Variants in NXPH1 observed in about 807,000 individuals in gnomAD.
NXPH1 encodes neurexophilin-1.
In NXPH1, 5 loss-of-function variants were observed where a neutral mutation model predicts 23.7. The observed-to-expected ratio is 0.21, with a 90% CI of 0.11 to 0.44. The LOEUF (loss-of-function observed/expected upper bound fraction) is 0.44, where lower values mean the gene tolerates loss of function less well. Among genes scored for constraint, NXPH1 ranks in the 20% least tolerant of loss-of-function variants. The pLI, the probability that NXPH1 is intolerant of heterozygous loss-of-function variation, is 0.99. For synonymous variants in NXPH1, 144 were observed against 122.2 expected (o/e 1.18, Z -1.18); for missense variants, 324 against 321.6 (o/e 1.01, Z -0.06).
intron 2 of NXPH1, among the ~76,000 whole-genome samples, chr7:8,440,021 C>A (rs1816268621): frequency 6.6e-6 from 1 of 152,192 alleles, no homozygotes; most frequent in Non-Finnish European, 1.5e-5. Flanking sequence ...AAGGCTAGTT[C>A]TTGGAGGCAG....
At chr7:8,670,484 G>A (rs1420715533) in intron 2 of NXPH1, among the ~76,000 whole-genome samples, 1 of 152,274 alleles carries the variant, frequency 6.6e-6, no homozygotes, top group Middle Eastern at 3.4e-3. Flanking sequence ...ACTATTGTCT[G>A]AATTATCCAA....
chr7:8,729,646 G>A (rs1169351185), intron 2 of NXPH1, among the ~76,000 whole-genome samples: 12 of 139,086 alleles, frequency 8.6e-5, no homozygotes, highest in East Asian at 4.1e-4. Context: ...GTAGTTGAGC[G>A]GTTTTGAGTG....
chr7:8,464,607 T>C lies in NXPH1; in HGVS notation c.54+28840T>C, dbSNP rs192456849. Among the ~76,000 whole-genome samples the C allele has an allele frequency of 1.1e-3, 174 of 152,354 alleles. 1 individual carries two copies. Among genetic ancestry groups the C allele is most frequent in the African/African-American group, 4.0e-3 (166 of 41,582 alleles). Reference sequence around the variant, plus strand: ...CCTGTAGGAGTCAAGAAGATCTAGATTTGAATTCTGTTTAGTTCTGTTAAG... The same window carrying C: ...CCTGTAGGAGTCAAGAAGATCTAGACTTGAATTCTGTTTAGTTCTGTTAAG... On this transcript the variant is annotated intron_variant, in intron 2 of 2. Coordinates refer to ENST00000405863, the MANE Select transcript of NXPH1 (RefSeq NM_152745.3).
At chr7:8,439,525 G>A (rs1342402884) in intron 2 of NXPH1, among the ~76,000 whole-genome samples, 1 of 152,186 alleles carries the variant, frequency 6.6e-6, no homozygotes, top group Non-Finnish European at 1.5e-5. Flanking sequence ...CCCATCCACA[G>A]CTCTATTCTA....
intron 2 of NXPH1, among the ~76,000 whole-genome samples, chr7:8,545,285 C>A (rs1173017374): frequency 6.6e-6 from 1 of 151,496 alleles, no homozygotes; most frequent in Admixed American, 6.6e-5. Flanking sequence ...TTTTATTCAT[C>A]AATTAATGAC....
chr7:8,484,185 A>G (rs930136801), intron 2 of NXPH1, among the ~76,000 whole-genome samples: 1 of 152,086 alleles, frequency 6.6e-6, no homozygotes, highest in African/African-American at 2.4e-5. Context: ...ACACTGCCCT[A>G]CCTCAAAAAT....
chr7:8,593,486 C>A (rs929417606), intron 2 of NXPH1, among the ~76,000 whole-genome samples: 2 of 151,872 alleles, frequency 1.3e-5, no homozygotes, highest in Non-Finnish European at 1.5e-5. Flanking sequence ...ATTTCTCTTC[C>A]CTTGTGGAAT....
At chr7:8,739,052 C>T (rs1345945790) in intron 2 of NXPH1, among the ~76,000 whole-genome samples, 2 of 151,998 alleles carry the variant, frequency 1.3e-5, no homozygotes, top group Non-Finnish European at 2.9e-5. Context: ...TGGATCTTAG[C>T]TTGCTGGGCT....
At chr7:8,697,231 G>C (rs1415053131) in intron 2 of NXPH1, among the ~76,000 whole-genome samples, 1 of 151,852 alleles carries the variant, frequency 6.6e-6, no homozygotes, top group Non-Finnish European at 1.5e-5. Flanking sequence ...GTAGACTGTG[G>C]TGCCAAGAGT....
At chr7:8,600,861 G>C (rs1819343161) in intron 2 of NXPH1, among the ~76,000 whole-genome samples, 1 of 151,358 alleles carries the variant, frequency 6.6e-6, no homozygotes. Context: ...TGCATCCCTG[G>C]ATTCAACCAA....
intron 2 of NXPH1, among the ~76,000 whole-genome samples, chr7:8,505,149 G>A (rs997416911): frequency 6.6e-5 from 10 of 151,954 alleles, no homozygotes; most frequent in African/African-American, 2.4e-4. Context: ...GAAGGTCAGT[G>A]TTTTCCTCAT....
chr7:8,553,326 A>C (rs1288208442), intron 2 of NXPH1, among the ~76,000 whole-genome samples: 1 of 142,916 alleles, frequency 7.0e-6, no homozygotes, highest in Non-Finnish European at 1.5e-5. Context: ...TTTTCTGAGG[A>C]AGGTGGTGGG....
At chr7:8,611,116 C>A (rs192937497) in intron 2 of NXPH1, among the ~76,000 whole-genome samples, 8 of 152,136 alleles carry the variant, frequency 5.3e-5, no homozygotes, top group Non-Finnish European at 1.0e-4. Flanking sequence ...TTCTAGTTGC[C>A]ACATCATTGT....
chr7:8,507,741 C>A lies in NXPH1; in HGVS notation c.54+71974C>A, dbSNP rs116028853. On this transcript the variant is annotated intron_variant, in intron 2 of 2. Transcript: ENST00000405863. ...TGTAAATTAGTACAGTTTACCAACCCACAAACATTTGTCACCCTCTCCCCT... is the reference window on the plus strand; with the variant it reads ...TGTAAATTAGTACAGTTTACCAACCAACAAACATTTGTCACCCTCTCCCCT... Among the ~76,000 whole-genome samples the A allele has an allele frequency of 8.6e-3, 1,308 of 152,174 alleles. 19 individuals carry two copies. Among genetic ancestry groups the A allele is most frequent in the African/African-American group, 0.03 (1,249 of 41,546 alleles).
intron 2 of NXPH1, among the ~76,000 whole-genome samples, chr7:8,579,099 G>A (rs553285137): frequency 1.4e-4 from 22 of 152,174 alleles, no homozygotes; most frequent in Non-Finnish European, 2.2e-4. Flanking sequence ...AGGGAGAAAC[G>A]TGAAGTGCAA....
Position 8,486,602 on chromosome 7 carries a change from C to T in NXPH1, c.54+50835C>T, listed in dbSNP as rs1488705858. On this transcript the variant is annotated intron_variant, in intron 2 of 2. Transcript: ENST00000405863. ...TAAGACAAGGATCATAAAGACCTGC[C>T]TAGTAGATTAATTAAGCGAGATAAT... 2.0e-5 allele frequency among the ~76,000 whole-genome samples: 3 copies of T among 152,160 alleles called. No individual in the cohort carries two copies. In the East Asian group the frequency reaches 5.8e-4, roughly 29 times the overall value.
chr7:8,482,056 C>T (rs763603490), intron 2 of NXPH1, among the ~76,000 whole-genome samples: 2 of 152,146 alleles, frequency 1.3e-5, no homozygotes, highest in African/African-American at 4.8e-5. Flanking sequence ...AGCATCTGGT[C>T]AATGTAGGCA....
chr7:8,642,654 G>A (rs1167319004), intron 2 of NXPH1, among the ~76,000 whole-genome samples: 1 of 152,044 alleles, frequency 6.6e-6, no homozygotes, highest in Non-Finnish European at 1.5e-5. Context: ...TATTTTACAT[G>A]AATATCATCA....
chr7:8,532,468 T>TGGGGG (rs761410034), intron 2 of NXPH1, among the ~76,000 whole-genome samples: 10 of 20,552 alleles, frequency 4.9e-4, no homozygotes, highest in Non-Finnish European at 7.9e-4. Flanking sequence ...ATATTTTTTT[T>TGGGGG]GGGGGGGGGG....
Sources: allele counts gnomAD v4.1 joint callset (sites outside exome capture counted in the v4.1 genomes callset), GRCh38; gene constraint gnomAD v4.1.1; transcripts MANE v1.5; gene names NCBI Gene and HGNC (gene_info 2026-07-23, HGNC 2026-07-21).